The following SNX29 variants were observed in gnomAD, a reference collection of about 807,000 sequenced individuals.
SNX29 encodes sorting nexin-29.
SNX29 carries 78 observed loss-of-function variants against 102.1 expected under a neutral mutation model. The observed-to-expected ratio is 0.76, with a 90% CI of 0.64 to 0.92. The LOEUF (loss-of-function observed/expected upper bound fraction) is 0.92. Ranked by LOEUF, SNX29 falls within the 40% of genes least tolerant of loss-of-function variation. The pLI is 0.00. For missense variants in SNX29, 1,280 were observed against 1,061.7 expected (o/e 1.21, Z -2.86); for synonymous variants, 580 against 414.5 (o/e 1.40, Z -4.85).
intron 18 of SNX29, among the ~76,000 whole-genome samples, chr16:12,413,203 T>A (rs923136079): frequency 7.9e-5 from 12 of 152,072 alleles, no homozygotes; most frequent in Non-Finnish European, 4.4e-5. Context: ...AAGGGGAATG[T>A]GAAATAATCA....
At chr16:12,528,738 C>G (rs977038441) in intron 20 of SNX29, among the ~76,000 whole-genome samples, 1 of 152,214 alleles carries the variant, frequency 6.6e-6, no homozygotes, top group African/African-American at 2.4e-5. Flanking sequence ...CACGGCCCCT[C>G]CATTTGAATC....
intron 3 of SNX29, among the ~76,000 whole-genome samples, chr16:12,015,554 G>A (rs1475525258): frequency 1.5e-5 from 2 of 129,420 alleles, no homozygotes; most frequent in Non-Finnish European, 3.1e-5. Context: ...TTTTTTTTCC[G>A]AGACGGAGTC....
intron 16 of SNX29, chr16:12,373,872 T>C (rs2082777814): frequency 6.6e-6 from 1 of 152,254 alleles, no homozygotes; most frequent in Non-Finnish European, 1.5e-5. Flanking sequence ...CACATTTTAC[T>C]TGCTGTCAAA....
At chr16:12,415,285 C>T (rs781563182) in intron 18 of SNX29, among the ~76,000 whole-genome samples, 7 of 152,228 alleles carry the variant, frequency 4.6e-5, no homozygotes, top group Non-Finnish European at 8.8e-5. Context: ...GGGGAGTGGG[C>T]AGGACCCCAA....
intron 20 of SNX29, among the ~76,000 whole-genome samples, chr16:12,554,161 T>C (rs1055869218): frequency 2.6e-5 from 4 of 152,220 alleles, no homozygotes; most frequent in African/African-American, 9.6e-5. Context: ...TTTAAGTAAA[T>C]GAGCAATGTG....
chr16:12,547,490 A>C (rs2077681212), intron 20 of SNX29, among the ~76,000 whole-genome samples: 1 of 152,198 alleles, frequency 6.6e-6, no homozygotes, highest in African/African-American at 2.4e-5. Context: ...TAGAACTACC[A>C]GAACTTGCTG....
chr16:12,251,005 C>T (rs1041766190), intron 14 of SNX29, among the ~76,000 whole-genome samples: 7 of 152,264 alleles, frequency 4.6e-5, no homozygotes, highest in East Asian at 1.9e-4. Context: ...CACGATGGCC[C>T]CCTTCTTCAC....
chr16:12,414,441 G>A (rs1047463703), intron 18 of SNX29, among the ~76,000 whole-genome samples: 2 of 152,154 alleles, frequency 1.3e-5, no homozygotes, highest in African/African-American at 4.8e-5. Context: ...CATATTAACC[G>A]TGGCTTAAGT....
intron 14 of SNX29, among the ~76,000 whole-genome samples, chr16:12,227,559 A>G (rs1035244270): frequency 2.6e-5 from 4 of 152,112 alleles, no homozygotes; most frequent in Non-Finnish European, 5.9e-5. Context: ...TATCTTACAC[A>G]AATCTATGGG....
intron 15 of SNX29, among the ~76,000 whole-genome samples, chr16:12,328,152 C>T (rs1297169578): frequency 1.3e-5 from 2 of 152,162 alleles, no homozygotes; most frequent in Non-Finnish European, 2.9e-5. Flanking sequence ...CTGCATATGG[C>T]ACGTTTGGCA....
chr16:12,394,032 G>A (rs1320132448), intron 16 of SNX29, among the ~76,000 whole-genome samples: 1 of 152,208 alleles, frequency 6.6e-6, no homozygotes, highest in Non-Finnish European at 1.5e-5. Flanking sequence ...TCTGGAGGCT[G>A]ACCTGTGTTC....
At chr16:12,062,917 A>C (rs891693286) in intron 9 of SNX29, among the ~76,000 whole-genome samples, 2 of 152,152 alleles carry the variant, frequency 1.3e-5, no homozygotes, top group Admixed American at 6.5e-5. Context: ...GCCTGAGTGC[A>C]TTACTGCTCT....
At chr16:12,220,328 G>A (rs1449462079) in intron 14 of SNX29, among the ~76,000 whole-genome samples, 1 of 138,824 alleles carries the variant, frequency 7.2e-6, no homozygotes. Context: ...GGGAGGAAGG[G>A]AGGGAGGGAG....
intron 16 of SNX29, among the ~76,000 whole-genome samples, chr16:12,392,477 C>A (rs1330561287): frequency 2.0e-5 from 3 of 152,174 alleles, no homozygotes; most frequent in Non-Finnish European, 4.4e-5. Flanking sequence ...TCCATTTTTA[C>A]ATCTGCCTGT....
chr16:12,121,350 C>T (rs1342688486), intron 11 of SNX29, among the ~76,000 whole-genome samples: 2 of 152,236 alleles, frequency 1.3e-5, no homozygotes, highest in Non-Finnish European at 2.9e-5. Context: ...CCCATAGGGG[C>T]TCCCCCAGAG....
chr16:12,193,949 C>G (rs1051525768), intron 13 of SNX29, among the ~76,000 whole-genome samples: 3 of 152,120 alleles, frequency 2.0e-5, no homozygotes, highest in Non-Finnish European at 2.9e-5. Context: ...GCTGCTTTTT[C>G]AAAAATGATT....
chr16:12,216,428 A>T (rs2077325220), intron 14 of SNX29, among the ~76,000 whole-genome samples: 1 of 152,182 alleles, frequency 6.6e-6, no homozygotes, highest in Admixed American at 6.5e-5. Context: ...AAATCAGATG[A>T]AGGTACAATG....
chr16:12,313,589 G>T (rs1340441672), intron 15 of SNX29, among the ~76,000 whole-genome samples: 3 of 152,204 alleles, frequency 2.0e-5, no homozygotes, highest in Admixed American at 1.3e-4. Flanking sequence ...ATCCCTTGCA[G>T]CATCGTCCCA....
chr16:12,454,209 G>A (rs2086432135), intron 18 of SNX29, among the ~76,000 whole-genome samples: 1 of 152,160 alleles, frequency 6.6e-6, no homozygotes, highest in South Asian at 2.1e-4. Context: ...AACTCCAGCA[G>A]CCGCCTTGGG....
Sources: allele counts gnomAD v4.1 joint callset (sites outside exome capture counted in the v4.1 genomes callset), GRCh38; gene constraint gnomAD v4.1.1; transcripts MANE v1.5; gene names NCBI Gene and HGNC (gene_info 2026-07-23, HGNC 2026-07-21).